The following WWOX variants were observed in gnomAD, a reference collection of about 807,000 sequenced individuals.
WWOX encodes WW domain-containing oxidoreductase.
WWOX carries 69 observed loss-of-function variants against 46.2 expected under a neutral mutation model. That is an observed-to-expected ratio of 1.49 (90% CI 1.23 to 1.82). The LOEUF is 1.82. Ranked by LOEUF, WWOX falls within the 40% of genes most tolerant of loss-of-function variation. The probability of loss-of-function intolerance (pLI) is 0.00; values close to 1 mark genes in which losing one functional copy is unlikely to be tolerated. For missense variants in WWOX, 919 were observed against 542.6 expected, an observed-to-expected ratio of 1.69 and a Z score of -6.89; for synonymous variants, 359 against 202.6, an observed-to-expected ratio of 1.77 and a Z score of -6.56.
chr16:78,834,381 C>T lies in WWOX; in HGVS notation c.1057-377227C>T, dbSNP rs149831023. Reference sequence around the variant, plus strand: ...GTTTCCAGGATTGTCGTGCGTGTGTCTCATAAATCGGCACAAATTGAATCT... The same window carrying T: ...GTTTCCAGGATTGTCGTGCGTGTGTTTCATAAATCGGCACAAATTGAATCT... On this transcript the variant is annotated intron_variant, in intron 8 of 8. Transcript: ENST00000566780. Among the ~76,000 whole-genome samples, 1,396 of 152,260 alleles carry T rather than the reference C, an allele frequency of 9.2e-3. 7 individuals are homozygous for T. Among genetic ancestry groups the T allele is most frequent in the Middle Eastern group, 0.02 (6 of 294 alleles).
At position 79,094,252 on chromosome 16, in the gene WWOX, T is replaced by C. The variant is rs563973153; in HGVS notation, c.1057-117356T>C. Among the ~76,000 whole-genome samples, 19 of 151,622 alleles carry C rather than the reference T, an allele frequency of 1.3e-4. 1 individual carries two copies. Among genetic ancestry groups the C allele is most frequent in the Middle Eastern group, 3.4e-3 (1 of 294 alleles). Reference sequence around the variant, plus strand: ...ATTTCCTGAGGTTTTTCTTTTTTTTTTTTTTTTCTTTTTTTCTTTGATACG... The same window carrying C: ...ATTTCCTGAGGTTTTTCTTTTTTTTCTTTTTTTCTTTTTTTCTTTGATACG... On this transcript the variant is annotated intron_variant, in intron 8 of 8. Coordinates refer to ENST00000566780, the MANE Select transcript of WWOX (RefSeq NM_016373.4).
At chr16:78,616,115 C>T (rs371168504) in intron 8 of WWOX, among the ~76,000 whole-genome samples, 3 of 152,056 alleles carry the variant, frequency 2.0e-5, no homozygotes, top group Non-Finnish European at 2.9e-5. Context: ...AATTCCCTAC[C>T]CTGTGTCTTT....
intron 5 of WWOX, among the ~76,000 whole-genome samples, chr16:78,372,971 A>G (rs2081729679): frequency 6.6e-6 from 1 of 152,194 alleles, no homozygotes; most frequent in Non-Finnish European, 1.5e-5. Context: ...TGAATTCATA[A>G]TGGGCTATTG....
chr16:79,096,264 T>G (rs2150617337), intron 8 of WWOX, among the ~76,000 whole-genome samples: 1 of 152,152 alleles, frequency 6.6e-6, no homozygotes, highest in South Asian at 2.1e-4. Flanking sequence ...TGAAAATATG[T>G]TAGATCACCT....
chr16:79,065,298 G>A (rs549103070), intron 8 of WWOX, among the ~76,000 whole-genome samples: 11 of 152,284 alleles, frequency 7.2e-5, no homozygotes, highest in African/African-American at 2.4e-4. Flanking sequence ...CACAAGTCCA[G>A]CCAAGCAAAA....
intron 5 of WWOX, among the ~76,000 whole-genome samples, chr16:78,218,570 CCTT>C (rs1159951666): frequency 3.3e-5 from 5 of 152,134 alleles, no homozygotes; most frequent in African/African-American, 7.2e-5. Context: ...AAACTATTCT[CCTT>C]CTTCTAAGGA....
At chr16:78,397,968 G>A (rs1191787049) in intron 6 of WWOX, among the ~76,000 whole-genome samples, 1 of 152,216 alleles carries the variant, frequency 6.6e-6, no homozygotes, top group Non-Finnish European at 1.5e-5. Context: ...GCTTCATGGA[G>A]TTCGTTTAAG....
chr16:78,755,556 A>G (rs572958116), intron 8 of WWOX, among the ~76,000 whole-genome samples: 2 of 152,298 alleles, frequency 1.3e-5, no homozygotes, highest in South Asian at 2.1e-4. Context: ...ATAATTCTAC[A>G]TTATTTAGTA....
chr16:78,886,058 G>A (rs764473547), intron 8 of WWOX, among the ~76,000 whole-genome samples: 1 of 151,552 alleles, frequency 6.6e-6, no homozygotes, highest in South Asian at 2.1e-4. Flanking sequence ...CTGAGTAGCT[G>A]GGATTACAGG....
chr16:78,600,360 C>G (rs1361071872), intron 8 of WWOX, among the ~76,000 whole-genome samples: 2 of 152,020 alleles, frequency 1.3e-5, no homozygotes, highest in African/African-American at 4.8e-5. Context: ...GGAGGGGGGG[C>G]CCCAGATGAC....
At chr16:78,712,347 C>G (rs1318126892) in intron 8 of WWOX, among the ~76,000 whole-genome samples, 2 of 151,974 alleles carry the variant, frequency 1.3e-5, no homozygotes, top group African/African-American at 4.8e-5. Context: ...ACTAAAAATA[C>G]AAAAATTAGC....
At chr16:78,985,658 A>G (rs145856116) in intron 8 of WWOX, among the ~76,000 whole-genome samples, 1,584 of 152,306 alleles carry the variant, frequency 0.01, 32 homozygotes, top group African/African-American at 0.036. Flanking sequence ...AGTCCCAGCT[A>G]CTCAGGAGGC....
chr16:78,159,217 T>G (rs2034704176), intron 4 of WWOX, among the ~76,000 whole-genome samples: 1 of 152,102 alleles, frequency 6.6e-6, no homozygotes, highest in African/African-American at 2.4e-5. Context: ...CAGTAGAAAT[T>G]TAGGCTGCTT....
chr16:78,955,562 A>ATCATTCATAT (rs1015713084), intron 8 of WWOX, among the ~76,000 whole-genome samples: 4 of 152,128 alleles, frequency 2.6e-5, no homozygotes, highest in Non-Finnish European at 4.4e-5. Context: ...AAACCAGCAA[A>ATCATTCATAT]TCATTCATAT....
intron 8 of WWOX, among the ~76,000 whole-genome samples, chr16:79,014,714 G>A (rs1000049374): frequency 1.3e-5 from 2 of 152,192 alleles, no homozygotes; most frequent in African/African-American, 4.8e-5. Flanking sequence ...CCAAGGCATA[G>A]AAATTGAGTC....
At chr16:78,183,050 G>A (rs571013330) in intron 5 of WWOX, among the ~76,000 whole-genome samples, 119 of 151,968 alleles carry the variant, frequency 7.8e-4, no homozygotes, top group African/African-American at 2.7e-3. Flanking sequence ...ATGACAGCAC[G>A]GATCACATAG....
intron 8 of WWOX, among the ~76,000 whole-genome samples, chr16:78,730,750 A>G (rs760577569): frequency 1.3e-5 from 2 of 151,648 alleles, no homozygotes; most frequent in African/African-American, 2.4e-5. Flanking sequence ...ATAAACCACC[A>G]ACCCAGCCTC....
intron 8 of WWOX, among the ~76,000 whole-genome samples, chr16:78,671,603 C>G (rs1462625424): frequency 6.6e-6 from 1 of 152,086 alleles, no homozygotes; most frequent in East Asian, 1.9e-4. Context: ...CCCTGATTTT[C>G]TTACCTATAA....
intron 5 of WWOX, among the ~76,000 whole-genome samples, chr16:78,217,595 G>T (rs535268299): frequency 6.6e-6 from 1 of 152,224 alleles, no homozygotes; most frequent in South Asian, 2.1e-4. Context: ...GACCTTAATA[G>T]AGACCGAGAA....
Sources: allele counts gnomAD v4.1 joint callset (sites outside exome capture counted in the v4.1 genomes callset), GRCh38; gene constraint gnomAD v4.1.1; transcripts MANE v1.5; gene names NCBI Gene and HGNC (gene_info 2026-07-23, HGNC 2026-07-21).